Variants in MPP7 observed in about 807,000 individuals in gnomAD.
MPP7 encodes MAGUK p55 subfamily member 7.
A neutral mutation model predicts 76.5 loss-of-function variants in MPP7; 60 were observed. The observed-to-expected ratio is 0.78, with a 90% CI of 0.64 to 0.97. MPP7 has a LOEUF of 0.97. MPP7 is among the 50% of genes least tolerant of loss of function. The probability of loss-of-function intolerance (pLI) is 0.00; values close to 1 mark genes in which losing one functional copy is unlikely to be tolerated. For synonymous variants in MPP7, 237 were observed against 244.5 expected (o/e 0.97, Z 0.29); for missense variants, 641 against 694.0 (o/e 0.92, Z 0.86).
At chr10:28,227,616 T>C (rs755444062) in intron 2 of MPP7, among the ~76,000 whole-genome samples, 43 of 152,300 alleles carry the variant, frequency 2.8e-4, no homozygotes, top group Middle Eastern at 3.4e-3. Flanking sequence ...GGTTTCCAGC[T>C]CCAACCATGT....
Position 28,194,295 on chromosome 10 carries a change from T to C in MPP7, c.156+7858A>G, listed in dbSNP as rs539245377. 2.4e-4 allele frequency among the ~76,000 whole-genome samples: 36 copies of C among 152,192 alleles called. No homozygotes were observed. The South Asian group carries it at 6.6e-3, about 28-fold the overall frequency. ...TCCCAAAGTGCTGGGATTACAGGCA[T>C]GAGCCACCACACCTGGCCAGCAGTT... On this transcript the variant is annotated intron_variant, in intron 3 of 16. Transcript: ENST00000683449.
chr10:28,118,107 A>T (rs1834715033), intron 11 of MPP7: 1 of 971,750 alleles, frequency 1.0e-6, no homozygotes, highest in Non-Finnish European at 1.2e-6. Context: ...AAGTATTAAC[A>T]TAAAAAAGAA....
chr10:28,220,805 C>T (rs1353459658), intron 2 of MPP7, among the ~76,000 whole-genome samples: 2 of 152,102 alleles, frequency 1.3e-5, no homozygotes, highest in Non-Finnish European at 2.9e-5. Flanking sequence ...GAGTATGTAG[C>T]ATCTAATTAA....
intron 8 of MPP7, among the ~76,000 whole-genome samples, chr10:28,122,633 A>T (rs1346397365): frequency 6.6e-6 from 1 of 152,214 alleles, no homozygotes; most frequent in Non-Finnish European, 1.5e-5. Context: ...TGGGCTTGGC[A>T]TCACCTTCGT....
chr10:28,320,285 C>T (rs979811406), intron 2 of MPP7, among the ~76,000 whole-genome samples: 1 of 152,002 alleles, frequency 6.6e-6, no homozygotes, highest in Admixed American at 6.6e-5. Context: ...TAAAGGAAAA[C>T]GAGGATGCCA....
At chr10:28,089,892 ACCCT>A (rs1187532114) in intron 11 of MPP7, 51 bp from the exon 12 acceptor site, 2 of 953,022 alleles carry the variant, frequency 2.1e-6, no homozygotes, top group African/African-American at 1.7e-5. Context: ...CAAAAAAGAA[ACCCT>A]CAAAAAAAAA....
intron 2 of MPP7, among the ~76,000 whole-genome samples, chr10:28,223,593 C>G (rs1838592271): frequency 6.6e-6 from 1 of 152,120 alleles, no homozygotes; most frequent in African/African-American, 2.4e-5. Context: ...TGGAGAATTA[C>G]TGTTTTACAA....
At chr10:28,072,882 T>C (rs1852303146) in intron 12 of MPP7, among the ~76,000 whole-genome samples, 1 of 152,214 alleles carries the variant, frequency 6.6e-6, no homozygotes, top group Admixed American at 6.5e-5. Flanking sequence ...ATTTTGTTAA[T>C]GTCTTCATCT....
chr10:28,181,539 C>T (rs550449853), intron 3 of MPP7, among the ~76,000 whole-genome samples: 1 of 152,068 alleles, frequency 6.6e-6, no homozygotes, highest in African/African-American at 2.4e-5. Context: ...ATGTGAGCAT[C>T]TATTATCGTG....
chr10:28,120,567 G>A (rs370896044), intron 9 of MPP7, 27 bp downstream of exon 9: 490 of 1,602,040 alleles, frequency 3.1e-4, no homozygotes, highest in Non-Finnish European at 4.0e-4. Flanking sequence ...TCCCACGCAC[G>A]AAGAAATGTT....
chr10:28,237,218 C>T (rs773314770), intron 2 of MPP7, among the ~76,000 whole-genome samples: 7 of 152,130 alleles, frequency 4.6e-5, no homozygotes, highest in Middle Eastern at 3.2e-3. Flanking sequence ...ATTCATTACA[C>T]GACTGTAGTA....
chr10:28,269,423 A>G (rs1179567421), intron 1 of MPP7, among the ~76,000 whole-genome samples: 1 of 152,186 alleles, frequency 6.6e-6, no homozygotes, highest in African/African-American at 2.4e-5. Flanking sequence ...TATTACCACA[A>G]AAGAAGCCAA....
intron 5 of MPP7, among the ~76,000 whole-genome samples, chr10:28,146,975 C>T (rs924534133): frequency 7.9e-5 from 12 of 151,974 alleles, no homozygotes; most frequent in African/African-American, 2.2e-4. Context: ...AATCTGTCTG[C>T]CAATATTTTA....
rs1297785598 is a variant in MPP7, at chr10:28,069,781, T to C, written c.1195A>G (p.Thr399Ala). Residue 399 changes from threonine (T) to alanine (A), a missense_variant, in exon 13 of 17, where the codon ACA (threonine) becomes GCA (alanine). Transcript: ENST00000683449. ...LISDTQHYGVTVPHTTRARRS... is the reference protein window; with the variant it reads ...LISDTQHYGVAVPHTTRARRS... ...GTAGCGCAGAACTCACGGGGCACTG[T>C]CACGCCATAGTGCTGGGTGTCACTG... The C allele has an allele frequency of 5.6e-6, 9 of 1,613,852 alleles. No homozygotes were observed. The highest frequency in any genetic ancestry group is 5.9e-6 in the Non-Finnish European group (7 of 1,179,772).
At chr10:28,260,757 G>A (rs1419818666) in intron 1 of MPP7, among the ~76,000 whole-genome samples, 1 of 115,576 alleles carries the variant, frequency 8.7e-6, no homozygotes, top group Non-Finnish European at 1.6e-5. Flanking sequence ...GGGTAACAGA[G>A]AGACTCCATC....
At chr10:28,169,869 T>C (rs1836620674) in intron 3 of MPP7, among the ~76,000 whole-genome samples, 1 of 152,220 alleles carries the variant, frequency 6.6e-6, no homozygotes, top group South Asian at 2.1e-4. Context: ...TCCTATCACC[T>C]GTGAATGACA....
In MPP7 at chr10:28,160,887, A is replaced by G. The variant is rs143157487; in HGVS notation, c.157-10828T>C. The stretch of plus-strand genomic sequence containing the variant: ...AAGTAGCTTTGGGGAAAAAACTAGT[A>G]TATTTTTAAAGAGTTCACTTAAAAA... On this transcript the variant is annotated intron_variant, in intron 3 of 16. Transcript: ENST00000683449. 7.4e-4 allele frequency among the ~76,000 whole-genome samples: 112 copies of G among 152,306 alleles called. No individual in the cohort carries two copies. The East Asian group carries it at 0.021, about 28-fold the overall frequency.
intron 2 of MPP7, among the ~76,000 whole-genome samples, chr10:28,325,466 C>T (rs1371072645): frequency 6.6e-6 from 1 of 151,842 alleles, no homozygotes; most frequent in Non-Finnish European, 1.5e-5. Flanking sequence ...ACCAGGGCAA[C>T]ATAGTAATAT....
At chr10:28,073,563 A>G (rs1852336556) in intron 12 of MPP7, among the ~76,000 whole-genome samples, 1 of 152,160 alleles carries the variant, frequency 6.6e-6, no homozygotes, top group Non-Finnish European at 1.5e-5. Flanking sequence ...TGATATCAGG[A>G]GTTCGAGACC....
Sources: allele counts gnomAD v4.1 joint callset (sites outside exome capture counted in the v4.1 genomes callset), GRCh38; gene constraint gnomAD v4.1.1; transcripts MANE v1.5; gene names NCBI Gene and HGNC (gene_info 2026-07-23, HGNC 2026-07-21).